The following SLC30A6 variants were observed in gnomAD, a reference collection of about 807,000 sequenced individuals.
The protein encoded by SLC30A6 is solute carrier family 30 member 6, also known as zinc transporter 6.
Under a neutral mutation model 63.0 loss-of-function variants are expected in SLC30A6, and 55 were observed. That is an observed-to-expected ratio of 0.87 (90% CI 0.70 to 1.09). SLC30A6 has a LOEUF of 1.09. Ranked by LOEUF, SLC30A6 falls within the 50% of genes least tolerant of loss-of-function variation. The probability of loss-of-function intolerance (pLI) is 0.00; values close to 1 mark genes in which losing one functional copy is unlikely to be tolerated. For synonymous variants in SLC30A6, 224 were observed against 186.1 expected (o/e 1.20, Z -1.66); for missense variants, 587 against 549.2 (o/e 1.07, Z -0.69).
chr2:32,223,894 G>C lies in SLC30A6; in HGVS notation c.*3181G>C, dbSNP rs1469670579. 1 of 152,072 alleles carries C rather than the reference G, an allele frequency of 6.6e-6. No individual in the cohort carries two copies. The highest frequency in any genetic ancestry group is 6.6e-5 in the Admixed American group (1 of 15,248). 9.4% of individuals were successfully genotyped at this position (152,072 alleles called of 1,614,324 possible). ...TTCTTTAATCTCTGAAGTCATGTTT[G>C]GAATTACATATAATGTAGCAGGTAC... On this transcript the variant is annotated 3_prime_UTR_variant, in exon 14 of 14. Coordinates refer to ENST00000282587, the MANE Select transcript of SLC30A6 (RefSeq NM_017964.5).
At chr2:32,220,170 A>G (rs775412249) in intron 13 of SLC30A6, 43 bp from the exon 14 acceptor site, 16 of 1,559,160 alleles carry the variant, frequency 1.0e-5, no homozygotes, top group Admixed American at 2.0e-5. Flanking sequence ...TTTTGTTAGT[A>G]TAATTCTAAG....
intron 13 of SLC30A6, among the ~76,000 whole-genome samples, chr2:32,215,629 A>G (rs1685639400): frequency 6.6e-6 from 1 of 151,184 alleles, no homozygotes; most frequent in Non-Finnish European, 1.5e-5. Context: ...TAATTCTGCC[A>G]TCTAGAGATA....
At chr2:32,170,905 T>G (rs761160325) in intron 1 of SLC30A6, among the ~76,000 whole-genome samples, 1 of 152,190 alleles carries the variant, frequency 6.6e-6, no homozygotes, top group Non-Finnish European at 1.5e-5. Context: ...ACCACATATA[T>G]AGCTTTAATT....
At chr2:32,206,409 G>T (rs189874199) in intron 11 of SLC30A6, among the ~76,000 whole-genome samples, 15 of 150,822 alleles carry the variant, frequency 9.9e-5, no homozygotes, top group Admixed American at 9.3e-4. Context: ...TTGCGCCACT[G>T]CATTCCAGCC....
Position 32,224,235 on chromosome 2 carries a change from A to AT in SLC30A6, c.*3523dup, listed in dbSNP as rs779861179. 8 of 433,130 alleles carry AT rather than the reference A, an allele frequency of 1.8e-5. No homozygotes were observed. The highest frequency in any genetic ancestry group is 2.9e-5 in the Non-Finnish European group (7 of 244,708). 26.8% of individuals were successfully genotyped at this position (433,130 alleles called of 1,614,324 possible). A position where few individuals can be genotyped will look rare whatever the true frequency, so the allele number is the denominator to read the frequency against. ...TATACTAAGTTAATATGCATTCAGT[A>AT]TACCAGTTGGTGTGACCCAGACCAA... is the stretch of plus-strand genomic sequence containing the variant. On this transcript the variant is annotated 3_prime_UTR_variant, in exon 14 of 14. Coordinates refer to ENST00000282587, the MANE Select transcript of SLC30A6 (RefSeq NM_017964.5).
At chr2:32,171,850 G>A (rs1681250088) in intron 2 of SLC30A6, among the ~76,000 whole-genome samples, 4 of 152,026 alleles carry the variant, frequency 2.6e-5, no homozygotes, top group Admixed American at 1.3e-4. Flanking sequence ...GGGCCACCAC[G>A]CCCGGCTAAT....
At chr2:32,206,853 C>A in intron 11 of SLC30A6, 33 bp from the exon 12 acceptor site, 1 of 1,585,498 alleles carries the variant, frequency 6.3e-7, no homozygotes, top group South Asian at 1.1e-5. Flanking sequence ...TTTCCTTCCC[C>A]CATTATTCAT....
At chr2:32,180,633 A>G (rs1682223903) in intron 4 of SLC30A6, among the ~76,000 whole-genome samples, 1 of 151,966 alleles carries the variant, frequency 6.6e-6, no homozygotes, top group Admixed American at 6.6e-5. Context: ...GGGTTTCACC[A>G]TGTTGGCCAG....
chr2:32,191,313 T>C (rs796832539), intron 5 of SLC30A6, among the ~76,000 whole-genome samples: 16 of 152,324 alleles, frequency 1.1e-4, no homozygotes, highest in African/African-American at 3.6e-4. Context: ...TCCATGTCAA[T>C]AAATACTTTT....
intron 9 of SLC30A6, 34 bp downstream of exon 9, chr2:32,197,426 T>C (rs1441970010): frequency 1.3e-6 from 2 of 1,573,624 alleles, no homozygotes; most frequent in Non-Finnish European, 1.7e-6. Flanking sequence ...ATATGCATAA[T>C]TTAAAGGAAT....
At chr2:32,204,767 G>A in intron 11 of SLC30A6, 75 bp downstream of exon 11, 2 of 640,088 alleles carry the variant, frequency 3.1e-6, no homozygotes, top group African/African-American at 2.0e-5. Flanking sequence ...TGTATGTGTT[G>A]TTCTACAAGA....
intron 4 of SLC30A6, among the ~76,000 whole-genome samples, chr2:32,182,054 C>T (rs1288592208): frequency 1.3e-5 from 2 of 151,262 alleles, no homozygotes; most frequent in African/African-American, 2.4e-5. Context: ...CTACCCTAGC[C>T]TCTGGGGTAG....
chr2:32,210,305 A>G (rs212688), intron 13 of SLC30A6, among the ~76,000 whole-genome samples: 3,707 of 152,174 alleles, frequency 0.024, 65 homozygotes, highest in African/African-American at 0.046. Flanking sequence ...TGAGGTTGAG[A>G]GTTTGAGACC....
chr2:32,186,355 A>G (rs780360523), intron 5 of SLC30A6, among the ~76,000 whole-genome samples: 5 of 152,220 alleles, frequency 3.3e-5, no homozygotes, highest in Non-Finnish European at 4.4e-5. Context: ...AGATATATCC[A>G]TATAAGGAAA....
chr2:32,211,782 T>C (rs1329444625), intron 13 of SLC30A6, among the ~76,000 whole-genome samples: 6 of 151,990 alleles, frequency 3.9e-5, no homozygotes, highest in African/African-American at 1.5e-4. Flanking sequence ...CACGCCCAGC[T>C]AATTTTTGTT....
intron 10 of SLC30A6, among the ~76,000 whole-genome samples, chr2:32,200,394 G>C (rs983305071): frequency 6.6e-6 from 1 of 151,808 alleles, no homozygotes; most frequent in Non-Finnish European, 1.5e-5. Flanking sequence ...TGACAATGGC[G>C]GTTTTGTGGA....
intron 5 of SLC30A6, among the ~76,000 whole-genome samples, chr2:32,186,086 G>A (rs1232661602): frequency 6.6e-6 from 1 of 152,020 alleles, no homozygotes; most frequent in African/African-American, 2.4e-5. Context: ...CCAGGCTGAA[G>A]TGAAGTGGTG....
intron 11 of SLC30A6, 83 bp from the exon 12 acceptor site, chr2:32,206,803 C>G (rs374425016): frequency 9.2e-7 from 1 of 1,084,298 alleles, no homozygotes. Context: ...GCTTAAAATC[C>G]TTTTGGGGAG....
intron 3 of SLC30A6, 81 bp from the exon 4 acceptor site, chr2:32,175,238 G>C: frequency 2.2e-6 from 3 of 1,356,512 alleles, no homozygotes; most frequent in South Asian, 2.5e-5. Flanking sequence ...GGATACCCCT[G>C]GTAGAAATAA....
Sources: gnomAD v4.1 joint callset for allele counts (sites outside exome capture counted in the v4.1 genomes callset) on GRCh38, gnomAD v4.1.1 for gene constraint, MANE v1.5 for transcripts, NCBI Gene and HGNC (gene_info 2026-07-23, HGNC 2026-07-21) for gene names.